Variants in ITCH observed in about 807,000 individuals in gnomAD.
ITCH encodes the protein itchy E3 ubiquitin protein ligase.
A neutral mutation model predicts 126.8 loss-of-function variants in ITCH; 28 were observed. The observed-to-expected ratio is 0.22, with a 90% CI of 0.16 to 0.30. ITCH has a LOEUF of 0.30. Ranked by LOEUF, ITCH falls within the 10% of genes least tolerant of loss-of-function variation. ITCH has a pLI of 1.00. For synonymous variants in ITCH, 342 were observed against 340.0 expected, an observed-to-expected ratio of 1.01 and a Z score of -0.06; for missense variants, 631 against 1,032.4, an observed-to-expected ratio of 0.61 and a Z score of 5.33.
intron 2 of ITCH, among the ~76,000 whole-genome samples, chr20:34,375,483 C>T (rs1186345965): frequency 6.6e-6 from 1 of 151,730 alleles, no homozygotes; most frequent in Non-Finnish European, 1.5e-5. Context: ...GCCATAATCC[C>T]AGCACTTTGA....
At chr20:34,401,726 A>C (rs1262142578) in intron 3 of ITCH, 1 of 724,206 alleles carries the variant, frequency 1.4e-6, no homozygotes, top group Non-Finnish European at 1.7e-6. Flanking sequence ...AAAAAAAAAA[A>C]AGACTGAAAA....
chr20:34,465,464 A>G (rs1157036550), intron 14 of ITCH, among the ~76,000 whole-genome samples: 2 of 152,174 alleles, frequency 1.3e-5, no homozygotes, highest in African/African-American at 4.8e-5. Flanking sequence ...TACAGAATCA[A>G]TAAAATCCAT....
At chr20:34,496,066 T>C (rs1482868004) in intron 23 of ITCH, among the ~76,000 whole-genome samples, 1 of 151,862 alleles carries the variant, frequency 6.6e-6, no homozygotes, top group Non-Finnish European at 1.5e-5. Flanking sequence ...AGAGCAATAC[T>C]CTGTCTCAAG....
At chr20:34,475,552 G>A (rs1181731451) in intron 16 of ITCH, among the ~76,000 whole-genome samples, 3 of 152,218 alleles carry the variant, frequency 2.0e-5, no homozygotes, top group African/African-American at 7.2e-5. Context: ...GCACTGGGCA[G>A]GCTGAGGCAG....
rs1978579880 is a variant in ITCH, at chr20:34,509,859, C to T, written c.*2065C>T. 1 of 152,416 alleles carries T rather than the reference C, an allele frequency of 6.6e-6. No individual in the cohort carries two copies. The highest frequency in any genetic ancestry group is 1.9e-4 in the East Asian group (1 of 5,202). The allele number at this position is 152,416 out of a possible 1,614,324, so 9.4% of individuals were successfully genotyped here. On this transcript the variant is annotated 3_prime_UTR_variant, in exon 25 of 25. Coordinates refer to ENST00000374864, the MANE Select transcript of ITCH (RefSeq NM_031483.7). ...TCTCATACTGAAATGTAGTTACCTA[C>T]AATATTTACTAGAGATTTATGAAAT...
At chr20:34,427,489 G>A (rs1037813110) in intron 7 of ITCH, among the ~76,000 whole-genome samples, 1 of 152,094 alleles carries the variant, frequency 6.6e-6, no homozygotes, top group Non-Finnish European at 1.5e-5. Context: ...GCACGTGCCT[G>A]TAGTCCCAGC....
intron 20 of ITCH, among the ~76,000 whole-genome samples, chr20:34,486,665 T>TTTATTTA (rs148394049): frequency 2.0e-5 from 3 of 149,104 alleles, no homozygotes; most frequent in African/African-American, 4.9e-5. Context: ...ATTTTATTTA[T>TTTATTTA]TTTATTTATT....
intron 14 of ITCH, among the ~76,000 whole-genome samples, chr20:34,462,927 A>G (rs1353293965): frequency 6.6e-6 from 1 of 152,230 alleles, no homozygotes; most frequent in Non-Finnish European, 1.5e-5. Flanking sequence ...TGTAATATGT[A>G]TCAACATTTT....
chr20:34,417,636 T>G (rs1568918154), intron 6 of ITCH, among the ~76,000 whole-genome samples: 1 of 149,484 alleles, frequency 6.7e-6, no homozygotes, highest in Non-Finnish European at 1.5e-5. Context: ...CGGACCTCAG[T>G]TGATCCGCCT....
intron 3 of ITCH, among the ~76,000 whole-genome samples, chr20:34,395,512 A>G (rs547429794): frequency 2.0e-5 from 3 of 152,298 alleles, no homozygotes; most frequent in African/African-American, 7.2e-5. Context: ...GAACCCCAAA[A>G]GTACATTCAC....
chr20:34,427,757 T>G (rs2146236056), intron 7 of ITCH, among the ~76,000 whole-genome samples: 1 of 152,346 alleles, frequency 6.6e-6, no homozygotes, highest in East Asian at 1.9e-4. Flanking sequence ...ATAAAATGTT[T>G]TAGTATTTCA....
At chr20:34,396,037 T>A (rs1334152442) in intron 3 of ITCH, among the ~76,000 whole-genome samples, 5 of 144,990 alleles carry the variant, frequency 3.4e-5, no homozygotes, top group African/African-American at 1.3e-4. Flanking sequence ...TTATTATTAT[T>A]TTTTTTTTTT....
intron 16 of ITCH, among the ~76,000 whole-genome samples, chr20:34,477,197 T>A (rs1044396717): frequency 6.6e-6 from 1 of 152,152 alleles, no homozygotes; most frequent in Non-Finnish European, 1.5e-5. Context: ...TCTAAGTAAT[T>A]GATACAGGCA....
intron 23 of ITCH, among the ~76,000 whole-genome samples, chr20:34,500,754 TTCTC>T (rs1367022394): frequency 1.3e-5 from 2 of 152,218 alleles, no homozygotes; most frequent in African/African-American, 4.8e-5. Context: ...GTTCCTTTCT[TTCTC>T]TCATTGTTTA....
At chr20:34,499,864 A>G (rs143691808) in intron 23 of ITCH, among the ~76,000 whole-genome samples, 296 of 152,246 alleles carry the variant, frequency 1.9e-3, no homozygotes, top group Non-Finnish European at 2.9e-3. Flanking sequence ...GCTATATTTT[A>G]TAATTTTCAA....
intron 23 of ITCH, among the ~76,000 whole-genome samples, chr20:34,494,183 T>C (rs1407780021): frequency 6.6e-6 from 1 of 152,126 alleles, no homozygotes; most frequent in Non-Finnish European, 1.5e-5. Flanking sequence ...TGAGCTGAGA[T>C]CGTGCCACTG....
intron 20 of ITCH, among the ~76,000 whole-genome samples, chr20:34,484,880 A>G (rs189372530): frequency 1.3e-5 from 2 of 152,288 alleles, no homozygotes; most frequent in East Asian, 1.9e-4. Flanking sequence ...CCATGTAAAT[A>G]TGACCCAAAT....
chr20:34,394,233 C>G (rs1258476898), intron 3 of ITCH, among the ~76,000 whole-genome samples: 7 of 126,182 alleles, frequency 5.5e-5, no homozygotes, highest in Non-Finnish European at 1.2e-4. Flanking sequence ...AAAAAAAAAA[C>G]TTAAGAGAAC....
At chr20:34,432,048 CAAAAAAAAAAA>C (rs10668679) in intron 7 of ITCH, among the ~76,000 whole-genome samples, 1 of 92,254 alleles carries the variant, frequency 1.1e-5, no homozygotes. Flanking sequence ...GATTCTATGT[CAAAAAAAAAAA>C]AAAAAAAAAG....
Sources: allele counts gnomAD v4.1 joint callset (sites outside exome capture counted in the v4.1 genomes callset), GRCh38; gene constraint gnomAD v4.1.1; transcripts MANE v1.5; gene names NCBI Gene and HGNC (gene_info 2026-07-23, HGNC 2026-07-21).